Variants in PDE7B observed in about 807,000 individuals in gnomAD.
PDE7B encodes the protein phosphodiesterase 7B, also known as 3',5'-cyclic-AMP phosphodiesterase 7B.
A neutral mutation model predicts 56.2 loss-of-function variants in PDE7B; 29 were observed. The observed-to-expected ratio is 0.52, with a 90% CI of 0.38 to 0.70. PDE7B has a LOEUF of 0.70. Ranked by LOEUF, PDE7B falls within the 30% of genes least tolerant of loss-of-function variation. PDE7B has a pLI of 0.00. For synonymous variants in PDE7B, 197 were observed against 196.9 expected (o/e 1.00, Z 0.00); for missense variants, 490 against 565.0 (o/e 0.87, Z 1.35).
chr6:135,940,829 C>T (rs1774495601), intron 1 of PDE7B, among the ~76,000 whole-genome samples: 1 of 152,160 alleles, frequency 6.6e-6, no homozygotes, highest in South Asian at 2.1e-4. Flanking sequence ...TCTCATGCTA[C>T]CCCAGAAAAC....
chr6:135,892,612 G>A (rs1775828226), intron 1 of PDE7B, among the ~76,000 whole-genome samples: 1 of 152,080 alleles, frequency 6.6e-6, no homozygotes, highest in South Asian at 2.1e-4. Context: ...TATTATAATA[G>A]CTCACCTCTT....
chr6:135,945,037 G>A (rs1352125034), intron 1 of PDE7B, among the ~76,000 whole-genome samples: 2 of 151,830 alleles, frequency 1.3e-5, no homozygotes, highest in East Asian at 1.9e-4. Context: ...GGAAACCTCT[G>A]ATCCTTCATT....
At chr6:136,118,478 GCA>G (rs981429868) in intron 3 of PDE7B, among the ~76,000 whole-genome samples, 12 of 152,116 alleles carry the variant, frequency 7.9e-5, no homozygotes, top group African/African-American at 2.9e-4. Context: ...TCTATGCTTT[GCA>G]CAGTTAGACT....
intron 2 of PDE7B, among the ~76,000 whole-genome samples, chr6:136,057,370 A>T (rs1776754388): frequency 6.6e-6 from 1 of 152,182 alleles, no homozygotes; most frequent in Non-Finnish European, 1.5e-5. Flanking sequence ...CCCATGGTAA[A>T]TCTTGAAAGT....
At chr6:135,919,346 A>G (rs773303150) in intron 1 of PDE7B, among the ~76,000 whole-genome samples, 2 of 152,226 alleles carry the variant, frequency 1.3e-5, no homozygotes, top group Non-Finnish European at 2.9e-5. Context: ...TCCAGATGTT[A>G]CCAACGTGAC....
At chr6:136,008,678 GTTGT>G (rs1389282563) in intron 2 of PDE7B, among the ~76,000 whole-genome samples, 2 of 152,206 alleles carry the variant, frequency 1.3e-5, no homozygotes, top group African/African-American at 4.8e-5. Flanking sequence ...TTTCGATGGG[GTTGT>G]TTGTTTGTTT....
intron 3 of PDE7B, among the ~76,000 whole-genome samples, chr6:136,140,838 T>C (rs1778311332): frequency 6.6e-6 from 1 of 152,198 alleles, no homozygotes; most frequent in Admixed American, 6.6e-5. Context: ...TTTGCTGAAG[T>C]TGCCTATCAG....
chr6:136,041,878 A>G (rs1480092879), intron 2 of PDE7B, among the ~76,000 whole-genome samples: 1 of 152,242 alleles, frequency 6.6e-6, no homozygotes, highest in East Asian at 1.9e-4. Flanking sequence ...CTGAAACTGT[A>G]TCAGAACCAG....
intron 1 of PDE7B, among the ~76,000 whole-genome samples, chr6:135,873,664 G>T (rs1775433740): frequency 6.6e-6 from 1 of 152,018 alleles, no homozygotes; most frequent in South Asian, 2.1e-4. Flanking sequence ...TAAACATGTT[G>T]TAAGTAGATA....
intron 3 of PDE7B, among the ~76,000 whole-genome samples, chr6:136,128,127 C>T (rs930502755): frequency 3.1e-4 from 47 of 152,136 alleles, no homozygotes; most frequent in African/African-American, 1.1e-3. Context: ...TGCTTTTTAC[C>T]AAGAGCTAGG....
Position 135,880,531 on chromosome 6 carries a change from C to T in PDE7B, c.21+28512C>T, listed in dbSNP as rs1212839291. On this transcript the variant is annotated intron_variant, in intron 1 of 12. Coordinates refer to ENST00000308191, the MANE Select transcript of PDE7B (RefSeq NM_018945.4). ...ACATAGTCTGATGGCTGGGAGGAGG[C>T]CTCAGATTGGCAGTAGAAAAACTGA... Among the ~76,000 whole-genome samples, 4 of 152,026 alleles carry T rather than the reference C, an allele frequency of 2.6e-5. No homozygotes were observed. The East Asian group carries it at 7.7e-4, about 29-fold the overall frequency.
intron 2 of PDE7B, among the ~76,000 whole-genome samples, chr6:136,006,025 A>G (rs560490794): frequency 6.6e-5 from 10 of 152,066 alleles, no homozygotes; most frequent in African/African-American, 9.6e-5. Context: ...CTATGCAGCC[A>G]TAAAAAATGA....
intron 2 of PDE7B, among the ~76,000 whole-genome samples, chr6:136,000,953 T>C (rs1285425847): frequency 6.6e-6 from 1 of 151,448 alleles, no homozygotes; most frequent in Non-Finnish European, 1.5e-5. Context: ...CACCCCCCAG[T>C]AGGGGCAGAC....
intron 2 of PDE7B, among the ~76,000 whole-genome samples, chr6:136,019,294 C>T (rs147221059): frequency 4.0e-4 from 61 of 151,522 alleles, no homozygotes; most frequent in African/African-American, 1.4e-3. Flanking sequence ...TAAGTTAATT[C>T]ATTGAAATTA....
intron 5 of PDE7B, 35 bp downstream of exon 5, chr6:136,149,185 C>T (rs780446195): frequency 8.1e-6 from 11 of 1,355,048 alleles, no homozygotes; most frequent in Admixed American, 1.7e-5. Flanking sequence ...CTAAAATATA[C>T]ACCATAAAGT....
chr6:136,191,333 G>A (rs1330305125), intron 12 of PDE7B, among the ~76,000 whole-genome samples: 7 of 152,118 alleles, frequency 4.6e-5, no homozygotes, highest in Non-Finnish European at 1.0e-4. Flanking sequence ...GAAAACATTT[G>A]CCATTTCTCC....
At chr6:136,011,432 C>T (rs1409017431) in intron 2 of PDE7B, among the ~76,000 whole-genome samples, 1 of 152,212 alleles carries the variant, frequency 6.6e-6, no homozygotes, top group Admixed American at 6.5e-5. Context: ...TCTATTGGAT[C>T]ATATAGCCAA....
chr6:135,960,581 G>GAT (rs1319245366), intron 2 of PDE7B, among the ~76,000 whole-genome samples: 2 of 152,114 alleles, frequency 1.3e-5, no homozygotes, highest in African/African-American at 4.8e-5. Flanking sequence ...GGTTTATTTT[G>GAT]ATTTAAAGTG....
intron 1 of PDE7B, among the ~76,000 whole-genome samples, chr6:135,918,820 CAT>C (rs1436017475): frequency 2.0e-5 from 3 of 152,148 alleles, no homozygotes; most frequent in Non-Finnish European, 2.9e-5. Context: ...AGATTTCTCT[CAT>C]GTTTGAAATA....
Sources: allele counts gnomAD v4.1 joint callset (sites outside exome capture counted in the v4.1 genomes callset), GRCh38; gene constraint gnomAD v4.1.1; transcripts MANE v1.5; gene names NCBI Gene and HGNC (gene_info 2026-07-23, HGNC 2026-07-21).